The following AMBRA1 variants were observed in gnomAD, a reference collection of about 807,000 sequenced individuals.
AMBRA1 encodes autophagy and beclin 1 regulator 1, also known as activating molecule in BECN1-regulated autophagy protein 1.
In AMBRA1, 47 loss-of-function variants were observed where a neutral mutation model predicts 125.4. The ratio of observed to expected loss-of-function variants is 0.37; its 90% CI spans 0.30 to 0.48. AMBRA1 has a LOEUF of 0.48. AMBRA1 is among the 20% of genes least tolerant of loss of function. The pLI, the probability that AMBRA1 is intolerant of heterozygous loss-of-function variation, is 0.99. For missense variants in AMBRA1, 1,331 were observed against 1,693.4 expected, an observed-to-expected ratio of 0.79 and a Z score of 3.76; for synonymous variants, 626 against 655.5, an observed-to-expected ratio of 0.95 and a Z score of 0.69.
intron 11 of AMBRA1, among the ~76,000 whole-genome samples, chr11:46,480,884 A>G (rs2136918764): frequency 6.6e-6 from 1 of 152,204 alleles, no homozygotes; most frequent in East Asian, 1.9e-4. Flanking sequence ...ATAGAGACCA[A>G]TGAGGGGTTT....
At chr11:46,577,152 G>A (rs1336283507) in intron 1 of AMBRA1, among the ~76,000 whole-genome samples, 1 of 152,160 alleles carries the variant, frequency 6.6e-6, no homozygotes, top group African/African-American at 2.4e-5. Flanking sequence ...ATAAGCCAAT[G>A]CACATGCATG....
chr11:46,448,583 T>C (rs1430444123), intron 11 of AMBRA1, among the ~76,000 whole-genome samples: 2 of 152,046 alleles, frequency 1.3e-5, no homozygotes, highest in Non-Finnish European at 1.5e-5. Flanking sequence ...AAACCCAAAG[T>C]AAGCAGAAGA....
intron 7 of AMBRA1, among the ~76,000 whole-genome samples, chr11:46,526,926 A>C (rs1951999583): frequency 6.6e-6 from 1 of 152,204 alleles, no homozygotes; most frequent in Non-Finnish European, 1.5e-5. Flanking sequence ...TCTCAAAGGA[A>C]CCTTGGCTAC....
rs1425276009 is a variant in AMBRA1, at chr11:46,397,231, C to T, written c.*219G>A. On this transcript the variant is annotated 3_prime_UTR_variant, in exon 18 of 18. Coordinates refer to ENST00000683756, the MANE Select transcript of AMBRA1 (RefSeq NM_001387011.1). ...CATTAAGCCCACAGTGTGGCTCTCCCGGGCTCCAGATCCTGGAAGGTTCTA... is the reference window on the plus strand; with the variant it reads ...CATTAAGCCCACAGTGTGGCTCTCCTGGGCTCCAGATCCTGGAAGGTTCTA... The T allele has an allele frequency of 1.0e-5, 5 of 499,532 alleles. No individual in the cohort carries two copies. Among genetic ancestry groups the T allele is most frequent in the Non-Finnish European group, 1.6e-5 (5 of 315,640 alleles). 30.9% of individuals were successfully genotyped at this position (499,532 alleles called of 1,614,324 possible). A position where few individuals can be genotyped will look rare whatever the true frequency, so the allele number is the denominator to read the frequency against.
At chr11:46,448,849 A>G (rs1425608461) in intron 11 of AMBRA1, among the ~76,000 whole-genome samples, 2 of 152,210 alleles carry the variant, frequency 1.3e-5, no homozygotes, top group East Asian at 3.8e-4. Flanking sequence ...CCTACATGCA[A>G]TGGACTAACT....
chr11:46,582,928 A>G (rs2044227779), intron 1 of AMBRA1, among the ~76,000 whole-genome samples: 1 of 151,840 alleles, frequency 6.6e-6, no homozygotes, highest in African/African-American at 2.4e-5. Context: ...GGGATATTTC[A>G]TAACTCAAAA....
At chr11:46,560,763 C>A (rs1337368290) in intron 1 of AMBRA1, among the ~76,000 whole-genome samples, 1 of 152,162 alleles carries the variant, frequency 6.6e-6, no homozygotes, top group East Asian at 1.9e-4. Context: ...GAAGGCTACT[C>A]TTAAATGTAC....
chr11:46,564,236 A>G (rs2043443403), intron 1 of AMBRA1, among the ~76,000 whole-genome samples: 1 of 151,916 alleles, frequency 6.6e-6, no homozygotes, highest in Admixed American at 6.6e-5. Flanking sequence ...AAAAAAAGAG[A>G]AATCCCAGTA....
chr11:46,468,098 A>G (rs1163992216), intron 11 of AMBRA1, among the ~76,000 whole-genome samples: 1 of 152,178 alleles, frequency 6.6e-6, no homozygotes, highest in Non-Finnish European at 1.5e-5. Flanking sequence ...GTATATTGGA[A>G]ACCCTCACAC....
intron 11 of AMBRA1, among the ~76,000 whole-genome samples, chr11:46,477,211 T>G (rs1233077266): frequency 1.3e-5 from 2 of 151,738 alleles, no homozygotes; most frequent in Non-Finnish European, 2.9e-5. Context: ...AAAGGCAGAA[T>G]AGAAGGACAC....
At chr11:46,577,740 C>T (rs989625173) in intron 1 of AMBRA1, among the ~76,000 whole-genome samples, 4 of 152,032 alleles carry the variant, frequency 2.6e-5, no homozygotes, top group Non-Finnish European at 4.4e-5. Flanking sequence ...CACCTGAGGT[C>T]GGGAGTTTGA....
chr11:46,447,129 T>C (rs1293227948), intron 11 of AMBRA1, among the ~76,000 whole-genome samples: 2 of 152,070 alleles, frequency 1.3e-5, no homozygotes, highest in African/African-American at 4.8e-5. Flanking sequence ...TACAAAGTGG[T>C]CGGGCATGGT....
At chr11:46,569,829 T>C (rs763658953) in intron 1 of AMBRA1, among the ~76,000 whole-genome samples, 1 of 151,954 alleles carries the variant, frequency 6.6e-6, no homozygotes, top group Non-Finnish European at 1.5e-5. Flanking sequence ...GGTGTGTTGG[T>C]ATGCACAGGT....
intron 11 of AMBRA1, among the ~76,000 whole-genome samples, chr11:46,453,945 G>C (rs1464054947): frequency 6.6e-6 from 1 of 152,162 alleles, no homozygotes; most frequent in Non-Finnish European, 1.5e-5. Context: ...TGTCTTATTT[G>C]TAGGAATTAG....
chr11:46,439,852 T>C (rs1008003678), intron 12 of AMBRA1, among the ~76,000 whole-genome samples: 3 of 151,656 alleles, frequency 2.0e-5, no homozygotes, highest in South Asian at 2.1e-4. Context: ...GCTGTGTATA[T>C]GAAGAGGCAT....
At chr11:46,512,118 A>G (rs1951282215) in intron 8 of AMBRA1, among the ~76,000 whole-genome samples, 1 of 152,232 alleles carries the variant, frequency 6.6e-6, no homozygotes, top group Non-Finnish European at 1.5e-5. Context: ...AGCCTCCCAA[A>G]GTGATGGGAT....
chr11:46,438,357 G>A (rs184055787), intron 12 of AMBRA1, among the ~76,000 whole-genome samples: 1 of 152,322 alleles, frequency 6.6e-6, no homozygotes, highest in Admixed American at 6.5e-5. Flanking sequence ...AGCAGGGAAT[G>A]GGAGGGGTTA....
chr11:46,447,345 A>C (rs1022136623), intron 11 of AMBRA1, among the ~76,000 whole-genome samples: 1 of 152,066 alleles, frequency 6.6e-6, no homozygotes, highest in Non-Finnish European at 1.5e-5. Flanking sequence ...GACCAGCGTG[A>C]CCAACATGGT....
At chr11:46,544,424 T>C (rs1034987785) in intron 5 of AMBRA1, among the ~76,000 whole-genome samples, 3 of 152,174 alleles carry the variant, frequency 2.0e-5, no homozygotes, top group African/African-American at 7.2e-5. Context: ...GCAAGAAGCA[T>C]GAATCTTGGT....
Sources: gnomAD v4.1 joint callset for allele counts (sites outside exome capture counted in the v4.1 genomes callset) on GRCh38, gnomAD v4.1.1 for gene constraint, MANE v1.5 for transcripts, NCBI Gene and HGNC (gene_info 2026-07-23, HGNC 2026-07-21) for gene names.